The following NUP153 variants were observed in gnomAD, a reference collection of about 807,000 sequenced individuals.
The protein encoded by NUP153 is nucleoporin 153.
NUP153 carries 27 observed loss-of-function variants against 134.6 expected under a neutral mutation model. The observed-to-expected ratio is 0.20, with a 90% CI of 0.15 to 0.28. The LOEUF (loss-of-function observed/expected upper bound fraction) is 0.28, where lower values mean the gene tolerates loss of function less well. Among genes scored for constraint, NUP153 ranks in the 10% least tolerant of loss-of-function variants. The pLI, the probability that NUP153 is intolerant of heterozygous loss-of-function variation, is 1.00. For synonymous variants in NUP153, 640 were observed against 623.5 expected, an observed-to-expected ratio of 1.03 and a Z score of -0.40; for missense variants, 1,821 against 1,731.3, an observed-to-expected ratio of 1.05 and a Z score of -0.92.
intron 14 of NUP153, among the ~76,000 whole-genome samples, chr6:17,640,305 A>T (rs574102510): frequency 6.6e-6 from 1 of 152,370 alleles, no homozygotes; most frequent in East Asian, 1.9e-4. Flanking sequence ...AATATAAACT[A>T]TAATTATCGT....
rs1766374343 is a variant in NUP153 at position 17,649,158 on chromosome 6, T to C, written c.1533+5A>G. Reference sequence around the variant, plus strand: ...GTCACCTGTATTTATATAATGGTTTTGTACCTTGTTTGTTAATGCTTGAGA... The same window carrying C: ...GTCACCTGTATTTATATAATGGTTTCGTACCTTGTTTGTTAATGCTTGAGA... On this transcript the variant is annotated splice_donor_5th_base_variant and intron_variant, in intron 12 of 21. Transcript: ENST00000262077. The C allele has an allele frequency of 6.2e-7, 1 of 1,609,902 alleles. No homozygotes were observed. The highest frequency in any genetic ancestry group is 8.5e-7 in the Non-Finnish European group (1 of 1,178,708).
At chr6:17,626,433 C>T (rs907117790) in intron 18 of NUP153, among the ~76,000 whole-genome samples, 1 of 152,098 alleles carries the variant, frequency 6.6e-6, no homozygotes, top group Admixed American at 6.5e-5. Context: ...ACCTCGAATC[C>T]AAATCTAACT....
rs774385401 is a variant in NUP153 at position 17,647,934 on chromosome 6, AC to A, written c.1534-30del. 4.3e-6 allele frequency: 6 copies of A among 1,384,970 alleles called. No homozygotes were observed. In the South Asian group the frequency reaches 7.2e-5, roughly 17 times the overall value. The allele number at this position is 1,384,970 out of a possible 1,614,324, so 85.8% of individuals were successfully genotyped here. ...GTTTTCCAAATTATTAAGAAATGAT[AC>A]AAAAAGAGCTTTTTAGAAAAATAAA... On this transcript the variant is annotated intron_variant, in intron 12 of 21. Coordinates refer to ENST00000262077, the MANE Select transcript of NUP153 (RefSeq NM_005124.4).
chr6:17,624,454 A>G, intron 20 of NUP153, 107 bp downstream of exon 20: 1 of 1,079,848 alleles, frequency 9.3e-7, no homozygotes. Context: ...GCCAAGTACA[A>G]GAGATAATTT....
At chr6:17,663,933 CACACACAA>C (rs929021580) in intron 9 of NUP153, among the ~76,000 whole-genome samples, 1 of 152,048 alleles carries the variant, frequency 6.6e-6, no homozygotes, top group Non-Finnish European at 1.5e-5. Flanking sequence ...AACATGTCCA[CACACACAA>C]ACACACAAAA....
intron 5 of NUP153, among the ~76,000 whole-genome samples, chr6:17,673,593 C>T (rs954740984): frequency 2.0e-5 from 3 of 152,104 alleles, no homozygotes; most frequent in Non-Finnish European, 4.4e-5. Flanking sequence ...ACCAAATAAA[C>T]ACATGAAAAG....
chr6:17,666,898 C>T (rs961077885), intron 8 of NUP153, among the ~76,000 whole-genome samples: 7 of 152,220 alleles, frequency 4.6e-5, no homozygotes, highest in Non-Finnish European at 8.8e-5. Context: ...TGGTTACTAA[C>T]TCTTCCCTAA....
At chr6:17,658,515 G>A (rs149490078) in intron 11 of NUP153, among the ~76,000 whole-genome samples, 1 of 152,186 alleles carries the variant, frequency 6.6e-6, no homozygotes, top group African/African-American at 2.4e-5. Flanking sequence ...CCAGCCACTG[G>A]AAGTTGACAA....
In NUP153 at chr6:17,616,157, A is replaced by C. The variant is rs1561846060; in HGVS notation, c.4368T>G (p.Ser1456=). 1 of 1,613,672 alleles carries C rather than the reference A, an allele frequency of 6.2e-7. No individual in the cohort carries two copies. The highest frequency in any genetic ancestry group is 1.7e-4 in the Middle Eastern group (1 of 6,060). Residue 1456 remains serine, a synonymous_variant, in exon 22 of 22, where the codon TCT becomes TCG. Coordinates refer to ENST00000262077, the MANE Select transcript of NUP153 (RefSeq NM_005124.4). The part of the protein sequence containing the change: ...TVGSNGKNVF[S]SSGTSFSGRK... ...GACCAGAGAATGAAGTTCCAGAAGA[A>C]GAGAACACATTTTTCCCATTTGACC... is the stretch of plus-strand genomic sequence containing the variant.
rs1765339092 is a variant in NUP153, at chr6:17,632,967, T to G, written c.2465-123A>C. On this transcript the variant is annotated intron_variant, in intron 16 of 21. Transcript: ENST00000262077. Reference sequence around the variant, plus strand: ...TTCAGTTTCTAATAATATTTCCTATTAAAACACAGAATGTGCCAGAAATAG... The same window carrying G: ...TTCAGTTTCTAATAATATTTCCTATGAAAACACAGAATGTGCCAGAAATAG... The G allele has an allele frequency of 8.9e-6, 6 of 671,334 alleles. 1 individual carries two copies. Among genetic ancestry groups the G allele is most frequent in the South Asian group, 2.7e-5 (1 of 37,632 alleles). 41.6% of individuals were successfully genotyped at this position (671,334 alleles called of 1,614,324 possible).
At chr6:17,678,786 A>G (rs2113838190) in intron 2 of NUP153, among the ~76,000 whole-genome samples, 1 of 151,988 alleles carries the variant, frequency 6.6e-6, no homozygotes, top group African/African-American at 2.4e-5. Flanking sequence ...TCTACTAAAA[A>G]TTTAAAAAGT....
chr6:17,636,938 C>T (rs958522509), intron 16 of NUP153, among the ~76,000 whole-genome samples: 2 of 152,082 alleles, frequency 1.3e-5, no homozygotes, highest in Admixed American at 6.5e-5. Context: ...AAGAGGAGGT[C>T]GTCATATATA....
At position 17,649,502 on chromosome 6, in the gene NUP153, C is replaced by T. The variant is rs114828656; in HGVS notation, c.1396-202G>A. Among the ~76,000 whole-genome samples, 758 of 152,222 alleles carry T rather than the reference C, an allele frequency of 5.0e-3. 4 individuals carry two copies. The highest frequency in any genetic ancestry group is 0.014 in the South Asian group (67 of 4,814). On this transcript the variant is annotated intron_variant, in intron 11 of 21. Coordinates refer to ENST00000262077, the MANE Select transcript of NUP153 (RefSeq NM_005124.4). ...CCATTTGACTTGGGGAACCTAACTG[C>T]CTTCTGTACCAATTTCCTAATTGGT...
intron 13 of NUP153, among the ~76,000 whole-genome samples, chr6:17,646,799 GCA>G (rs974789237): frequency 1.4e-4 from 22 of 151,828 alleles, no homozygotes; most frequent in African/African-American, 4.8e-4. Context: ...GAGTGCAACG[GCA>G]CAATCTCGGC....
chr6:17,694,997 A>T (rs1769547594), intron 1 of NUP153, among the ~76,000 whole-genome samples: 1 of 151,496 alleles, frequency 6.6e-6, no homozygotes, highest in South Asian at 2.1e-4. Flanking sequence ...AAAAAAAGAG[A>T]GAGTGGGAAG....
chr6:17,651,851 T>A, intron 11 of NUP153: 1 of 662,324 alleles, frequency 1.5e-6, no homozygotes, highest in Non-Finnish European at 2.8e-6. Context: ...CTCAGCACTT[T>A]GAGAGGCCAA....
At chr6:17,674,814 C>G (rs914588977) in intron 5 of NUP153, 91 bp downstream of exon 5, 1 of 1,053,610 alleles carries the variant, frequency 9.5e-7, no homozygotes, top group African/African-American at 1.6e-5. Flanking sequence ...TAAATCAAAA[C>G]TATTTTTTTG....
At chr6:17,702,067 A>C (rs551421626) in intron 1 of NUP153, among the ~76,000 whole-genome samples, 35 of 150,612 alleles carry the variant, frequency 2.3e-4, no homozygotes, top group African/African-American at 7.8e-4. Context: ...AGTTTTTTGT[A>C]GTGGTTACTA....
intron 20 of NUP153, among the ~76,000 whole-genome samples, chr6:17,623,951 C>T (rs1211512936): frequency 1.3e-5 from 2 of 152,106 alleles, no homozygotes; most frequent in African/African-American, 4.8e-5. Context: ...ACATGAGGGG[C>T]TTCCAGGTGG....
Sources: gnomAD v4.1 joint callset for allele counts (sites outside exome capture counted in the v4.1 genomes callset) on GRCh38, gnomAD v4.1.1 for gene constraint, MANE v1.5 for transcripts, NCBI Gene and HGNC (gene_info 2026-07-23, HGNC 2026-07-21) for gene names.